The following SEC11C variants were observed in gnomAD, a reference collection of about 807,000 sequenced individuals.
SEC11C encodes signal peptidase complex catalytic subunit SEC11C.
Under a neutral mutation model 21.9 loss-of-function variants are expected in SEC11C, and 10 were observed. The observed-to-expected ratio is 0.46, with a 90% CI of 0.28 to 0.77. SEC11C has a LOEUF of 0.77. SEC11C is among the 30% of genes least tolerant of loss of function. The pLI, the probability that SEC11C is intolerant of heterozygous loss-of-function variation, is 0.12. For synonymous variants in SEC11C, 83 were observed against 85.6 expected (o/e 0.97, Z 0.17); for missense variants, 145 against 244.5 (o/e 0.59, Z 2.71).
chr18:59,144,726 T>TTA (rs2069250306), intron 1 of SEC11C, among the ~76,000 whole-genome samples: 2 of 98,596 alleles, frequency 2.0e-5, no homozygotes, highest in East Asian at 5.4e-4. Flanking sequence ...CCTTGTATCT[T>TTA]AAAAAAAAAA....
At chr18:59,149,231 G>GAAATCCCA (rs2069317682) in intron 1 of SEC11C, among the ~76,000 whole-genome samples, 2 of 152,210 alleles carry the variant, frequency 1.3e-5, no homozygotes, top group Non-Finnish European at 2.9e-5. Flanking sequence ...AAGGTGCTGG[G>GAAATCCCA]AAATCCCAAA....
intron 1 of SEC11C, among the ~76,000 whole-genome samples, chr18:59,144,093 A>T (rs1373860172): frequency 6.6e-6 from 1 of 152,170 alleles, no homozygotes. Context: ...AGCTCAGGTT[A>T]TCCGCCCACC....
chr18:59,154,002 C>T (rs548864973), intron 3 of SEC11C, among the ~76,000 whole-genome samples: 240 of 152,272 alleles, frequency 1.6e-3, no homozygotes, highest in African/African-American at 5.3e-3. Context: ...CAACTGTGCC[C>T]GGCCCATTTA....
intron 1 of SEC11C, among the ~76,000 whole-genome samples, chr18:59,146,253 A>G (rs964981149): frequency 2.6e-5 from 4 of 152,212 alleles, no homozygotes; most frequent in Non-Finnish European, 4.4e-5. Flanking sequence ...GGTGGCTCCA[A>G]ACAGCAGGGT....
rs528361603 is a variant in SEC11C at position 59,151,054 on chromosome 18, G to A, written c.197+1432G>A. Among the ~76,000 whole-genome samples, 4 of 152,194 alleles carry A rather than the reference G, an allele frequency of 2.6e-5. No individual in the cohort carries two copies. In the South Asian group the frequency reaches 8.3e-4, roughly 32 times the overall value. ...ATCCCTAAGGGATGTGTGGTTTTTG[G>A]GGGAATCTGGCCCATGAGGAAAGCA... On this transcript the variant is annotated intron_variant, in intron 2 of 5. Coordinates refer to ENST00000587834, the MANE Select transcript of SEC11C (RefSeq NM_033280.4).
rs541276201 is a variant in SEC11C, at chr18:59,143,217, G to A, written c.87+3182G>A. Among the ~76,000 whole-genome samples, 12 of 152,074 alleles carry A rather than the reference G, an allele frequency of 7.9e-5. No homozygotes were observed. In the South Asian group the frequency reaches 2.5e-3, roughly 32 times the overall value. Reference sequence around the variant, plus strand: ...AAAATATAAAAATTAGCCGGGTGTGGTGGTGCACACCTGTTATCCCAGCTA... The same window carrying A: ...AAAATATAAAAATTAGCCGGGTGTGATGGTGCACACCTGTTATCCCAGCTA... On this transcript the variant is annotated intron_variant, in intron 1 of 5. Coordinates refer to ENST00000587834, the MANE Select transcript of SEC11C (RefSeq NM_033280.4).
rs959612055 is a variant in SEC11C, at chr18:59,139,900, T to A, written c.-49T>A. On this transcript the variant is annotated 5_prime_UTR_variant, in exon 1 of 6. Coordinates refer to ENST00000587834, the MANE Select transcript of SEC11C (RefSeq NM_033280.4). The stretch of plus-strand genomic sequence containing the variant: ...GGGGCCGGCAGGTGCTCCGCAGCCG[T>A]CTGTGCCACCCAGAGCCGGCGGGCC... The A allele has an allele frequency of 7.2e-7, 1 of 1,383,760 alleles. No individual in the cohort carries two copies. Among genetic ancestry groups the A allele is most frequent in the African/African-American group, 1.5e-5 (1 of 65,788 alleles). The allele number at this position is 1,383,760 out of a possible 1,614,324, so 85.7% of individuals were successfully genotyped here. A position where few individuals can be genotyped will look rare whatever the true frequency, so the allele number is the denominator to read the frequency against.
At chr18:59,145,194 C>T (rs925800580) in intron 1 of SEC11C, among the ~76,000 whole-genome samples, 2 of 152,190 alleles carry the variant, frequency 1.3e-5, no homozygotes, top group Non-Finnish European at 2.9e-5. Context: ...GATTGGCAAA[C>T]CCCATTGCAC....
In SEC11C at chr18:59,146,438, C is replaced by T. The variant is rs565241144; in HGVS notation, c.88-3075C>T. 1.8e-4 allele frequency among the ~76,000 whole-genome samples: 27 copies of T among 152,200 alleles called. 1 individual carries two copies. In the South Asian group the frequency reaches 5.4e-3, roughly 30 times the overall value. ...AGTAGTTAGCCTGATGGGACCAATG[C>T]CAGCATTCAGGTAGAGGAGGAGATT... On this transcript the variant is annotated intron_variant, in intron 1 of 5. Transcript: ENST00000587834.
chr18:59,157,399 T>G (rs2069430301), intron 4 of SEC11C: 1 of 462,620 alleles, frequency 2.2e-6, no homozygotes, highest in African/African-American at 2.0e-5. Flanking sequence ...CCCAAGTGCC[T>G]ACTTAGAAAA....
chr18:59,145,458 G>C (rs2144028660), intron 1 of SEC11C, among the ~76,000 whole-genome samples: 1 of 152,346 alleles, frequency 6.6e-6, no homozygotes, highest in Non-Finnish European at 1.5e-5. Context: ...GTAAACTAAG[G>C]GGTTCAGGGA....
chr18:59,149,992 T>C (rs1233000509), intron 2 of SEC11C, among the ~76,000 whole-genome samples: 1 of 152,214 alleles, frequency 6.6e-6, no homozygotes, highest in Non-Finnish European at 1.5e-5. Flanking sequence ...AGAGAGAGCC[T>C]GTATCCCCAG....
intron 1 of SEC11C, chr18:59,146,998 C>T (rs1460553923): frequency 6.6e-6 from 1 of 152,250 alleles, no homozygotes; most frequent in African/African-American, 2.4e-5. Context: ...TTCGTGTCAC[C>T]TGGGAATGTG....
chr18:59,157,795 C>T (rs1056103203), intron 5 of SEC11C, 130 bp downstream of exon 5: 3 of 646,906 alleles, frequency 4.6e-6, no homozygotes, highest in Non-Finnish European at 8.2e-6. Context: ...CTGTAGTTAA[C>T]TACAAATTAA....
At chr18:59,157,553 C>T in intron 4 of SEC11C, 55 bp from the exon 5 acceptor site, 1 of 1,159,386 alleles carries the variant, frequency 8.6e-7, no homozygotes, top group Non-Finnish European at 1.3e-6. Flanking sequence ...CAGATGTTGC[C>T]ATCATCATGT....
chr18:59,158,323 T>C (rs1451131256), intron 5 of SEC11C, among the ~76,000 whole-genome samples: 1 of 152,196 alleles, frequency 6.6e-6, no homozygotes. Flanking sequence ...CCCAAAGTGC[T>C]GGGATTACAG....
intron 3 of SEC11C, among the ~76,000 whole-genome samples, chr18:59,154,657 A>T (rs1299964650): frequency 1.3e-5 from 2 of 152,246 alleles, no homozygotes; most frequent in African/African-American, 4.8e-5. Context: ...AAGGAAAAGG[A>T]AATCTGAGGA....
intron 1 of SEC11C, among the ~76,000 whole-genome samples, chr18:59,146,386 T>G (rs2069276314): frequency 6.6e-6 from 1 of 152,092 alleles, no homozygotes; most frequent in Non-Finnish European, 1.5e-5. Context: ...AAACATCAGG[T>G]AGGCAGTTGG....
At chr18:59,148,824 C>T (rs2069312402) in intron 1 of SEC11C, among the ~76,000 whole-genome samples, 1 of 152,100 alleles carries the variant, frequency 6.6e-6, no homozygotes, top group South Asian at 2.1e-4. Flanking sequence ...TCACCGGTAG[C>T]CAGAATGGTC....
Sources: allele counts gnomAD v4.1 joint callset (sites outside exome capture counted in the v4.1 genomes callset), GRCh38; gene constraint gnomAD v4.1.1; transcripts MANE v1.5; gene names NCBI Gene and HGNC (gene_info 2026-07-23, HGNC 2026-07-21).